HEXB: variants seen among roughly 807,000 people sequenced by gnomAD.
The protein encoded by HEXB is hexosaminidase subunit beta.
A neutral mutation model predicts 71.2 loss-of-function variants in HEXB; 51 were observed. That is an observed-to-expected ratio of 0.72 (90% confidence interval 0.57 to 0.90). HEXB has a LOEUF of 0.90. Ranked by LOEUF, HEXB falls within the 40% of genes least tolerant of loss-of-function variation. The pLI is 0.00. For missense variants in HEXB, 617 were observed against 677.0 expected (o/e 0.91, Z 0.98); for synonymous variants, 266 against 249.3 (o/e 1.07, Z -0.63).
chr5:74,684,859 T>A (rs1395482655), upstream of HEXB, among the ~76,000 whole-genome samples: 11 of 152,020 alleles, frequency 7.2e-5, no homozygotes, highest in Non-Finnish European at 1.6e-4. Context: ...TGTATTTTTG[T>A]AGAGTCGGGG....
intron 1 of HEXB, among the ~76,000 whole-genome samples, chr5:74,661,677 A>G (rs1022669589): frequency 2.0e-5 from 3 of 152,078 alleles, no homozygotes; most frequent in African/African-American, 7.2e-5. Context: ...GATTAAGGGT[A>G]CAAGCCAGAA....
chr5:74,713,593 C>A lies in HEXB; in HGVS notation c.859C>A (p.Pro287Thr). The part of the protein sequence containing the change: ...YARLRGIRVL[P>T]EFDTPGHTLS... ...CAGATTACGAGGAATTCGAGTCCTG[C>A]CAGAATTTGATACCCCTGGGCATAC... Residue 287 changes from proline to threonine, a missense_variant, in exon 7 of 14, where the codon CCA (proline) becomes ACA (threonine). Physicochemically the swap from Pro to Thr is conservative, Grantham distance 38 (BLOSUM62 -1). Coordinates refer to ENST00000261416, the MANE Select transcript of HEXB (RefSeq NM_000521.4). 6.2e-7 allele frequency: 1 copy of A among 1,613,170 alleles called. No homozygotes were observed. The highest frequency in any genetic ancestry group is 8.5e-7 in the Non-Finnish European group (1 of 1,179,150).
Position 74,644,764 on chromosome 5 carries a change from C to CTTTTTTTTTTTTTTTT in HEXB, c.-377+4216_-377+4231dup, listed in dbSNP as rs3058406. 1.5e-4 allele frequency among the ~76,000 whole-genome samples: 11 copies of CTTTTTTTTTTTTTTTT among 72,938 alleles called. 2 individuals are homozygous for CTTTTTTTTTTTTTTTT. Among genetic ancestry groups the CTTTTTTTTTTTTTTTT allele is most frequent in the African/African-American group, 2.8e-4 (5 of 17,750 alleles). The allele number at this position is 72,938 out of a possible 152,430, so 47.9% of individuals were successfully genotyped here. A position where few individuals can be genotyped will look rare whatever the true frequency, so the allele number is the denominator to read the frequency against. ...GAGAGTATTCTTCCTCTTTTTTTTC[C>CTTTTTTTTTTTTTTTT]TTTTTTTTTTTTTTTTTTTTTTTTT... On this transcript the variant is annotated intron_variant, in intron 1 of 13. Transcript: ENST00000511181.
intron 2 of HEXB, chr5:74,689,817 G>A (rs190549679): frequency 6.3e-4 from 163 of 257,332 alleles, no homozygotes; most frequent in Non-Finnish European, 3.6e-4. Context: ...GAAAATGGCA[G>A]TAATTCTGTA....
intron 11 of HEXB, 105 bp downstream of exon 11, chr5:74,719,076 C>T: frequency 3.8e-6 from 4 of 1,041,788 alleles, no homozygotes; most frequent in South Asian, 1.3e-5. Flanking sequence ...CCTAACCTCC[C>T]ACCCCAGAAG....
Position 74,641,454 on chromosome 5 carries a change from CG to C in HEXB, c.-377+900del, listed in dbSNP as rs1747884371. 6.6e-6 allele frequency: 1 copy of C among 152,324 alleles called. No individual in the cohort carries two copies. Among genetic ancestry groups the C allele is most frequent in the South Asian group, 2.1e-4 (1 of 4,834 alleles). The allele number at this position is 152,324 out of a possible 1,614,324, so 9.4% of individuals were successfully genotyped here. On this transcript the variant is annotated intron_variant, in intron 1 of 13. Coordinates refer to the HEXB transcript ENST00000511181. The surrounding 1 kb of genome is among the most constrained non-coding windows in gnomAD (Gnocchi z 4.1). ...TAAGCCAGGCGACTGCAGGGGCAGC[CG>C]GGGCGCAGTCCTGCGGGGCGCGCAC...
chr5:74,697,247 GA>G, intron 5 of HEXB, 141 bp downstream of exon 5: 1 of 655,980 alleles, frequency 1.5e-6, no homozygotes. Context: ...AGTTCCTAGG[GA>G]AGTGTATTTC....
chr5:74,710,544 G>A (rs1401413981), intron 6 of HEXB, among the ~76,000 whole-genome samples: 7 of 152,256 alleles, frequency 4.6e-5, no homozygotes, highest in African/African-American at 1.7e-4. Flanking sequence ...AAACCCCATT[G>A]TCTCAGCCCA....
At chr5:74,649,884 A>G (rs544651370) in intron 1 of HEXB, among the ~76,000 whole-genome samples, 1 of 152,374 alleles carries the variant, frequency 6.6e-6, no homozygotes, top group Admixed American at 6.5e-5. Flanking sequence ...GATCAGACAT[A>G]GTTCCTTAAC....
intron 3 of HEXB, 104 bp from the exon 4 acceptor site, chr5:74,696,589 A>G (rs1035475160): frequency 1.3e-5 from 9 of 684,748 alleles, no homozygotes; most frequent in African/African-American, 7.1e-5. Flanking sequence ...ACTATATTCA[A>G]TTATATTTGC....
chr5:74,676,675 G>A (rs1371465444), intron 1 of HEXB, among the ~76,000 whole-genome samples: 1 of 152,000 alleles, frequency 6.6e-6, no homozygotes, highest in Admixed American at 6.5e-5. Flanking sequence ...CTGAGGCAGG[G>A]GTAGTGCCTG....
At chr5:74,684,106 G>A (rs1273411705), upstream of HEXB, among the ~76,000 whole-genome samples, 1 of 152,052 alleles carries the variant, frequency 6.6e-6, no homozygotes, top group African/African-American at 2.4e-5. Flanking sequence ...GGCGTGAGCC[G>A]CCGCACCTGG....
chr5:74,696,150 G>C (rs956878430), intron 3 of HEXB, among the ~76,000 whole-genome samples: 1 of 152,202 alleles, frequency 6.6e-6, no homozygotes, highest in Non-Finnish European at 1.5e-5. Flanking sequence ...AGGCCAGTTA[G>C]AAGAATTAGC....
At chr5:74,660,078 T>A (rs1454740045) in intron 1 of HEXB, among the ~76,000 whole-genome samples, 4 of 149,446 alleles carry the variant, frequency 2.7e-5, no homozygotes, top group Non-Finnish European at 5.9e-5. Context: ...GTAAAAAAAA[T>A]AAATGAATAA....
chr5:74,707,585 A>G (rs1224593932), intron 6 of HEXB, among the ~76,000 whole-genome samples: 4 of 152,254 alleles, frequency 2.6e-5, no homozygotes, highest in African/African-American at 9.6e-5. Flanking sequence ...AATACAGAGA[A>G]GGGCTTAAAG....
chr5:74,717,368 AAATT>A (rs1204561378), intron 9 of HEXB, among the ~76,000 whole-genome samples: 2 of 152,132 alleles, frequency 1.3e-5, no homozygotes, highest in Non-Finnish European at 2.9e-5. Flanking sequence ...GTCCATATGT[AAATT>A]AATTAAAATT....
intron 1 of HEXB, among the ~76,000 whole-genome samples, chr5:74,670,244 T>A (rs1053004042): frequency 4.0e-5 from 6 of 151,848 alleles, no homozygotes; most frequent in Non-Finnish European, 1.5e-5. Context: ...TAGCCTCTTT[T>A]TTTTTTTTGC....
upstream of HEXB, among the ~76,000 whole-genome samples, chr5:74,681,642 C>T (rs1438449848): frequency 1.3e-5 from 2 of 152,130 alleles, no homozygotes; most frequent in South Asian, 2.1e-4. Context: ...GAGTTAATAA[C>T]GGGGTGCAAT....
At chr5:74,700,165 C>T (rs1400598649) in intron 5 of HEXB, among the ~76,000 whole-genome samples, 6 of 151,344 alleles carry the variant, frequency 4.0e-5, no homozygotes, top group Non-Finnish European at 8.8e-5. Context: ...CACCACCACA[C>T]CCGGCTAATT....
Sources: allele counts gnomAD v4.1 joint callset (sites outside exome capture counted in the v4.1 genomes callset), GRCh38; gene constraint gnomAD v4.1.1; non-coding constraint Gnocchi (gnomAD v3.1); transcripts MANE v1.5; gene names NCBI Gene and HGNC (gene_info 2026-07-23, HGNC 2026-07-21).